Variants in TXLNG observed in about 807,000 individuals in gnomAD.
TXLNG encodes taxilin gamma.
In TXLNG, 5 loss-of-function variants were observed where a neutral mutation model predicts 38.8. The observed-to-expected ratio is 0.13, with a 90% CI of 0.07 to 0.27. The LOEUF is 0.27. Ranked by LOEUF, TXLNG falls within the 10% of genes least tolerant of loss-of-function variation. TXLNG has a pLI of 1.00. For synonymous variants in TXLNG, 182 were observed against 158.2 expected, an observed-to-expected ratio of 1.15 and a Z score of -1.13; for missense variants, 393 against 398.2, an observed-to-expected ratio of 0.99 and a Z score of 0.11.
chrX:16,821,680 A>G (rs977703282), intron 3 of TXLNG, among the ~76,000 whole-genome samples: 1 of 112,216 alleles, frequency 8.9e-6, no homozygotes, highest in African/African-American at 3.2e-5. Context: ...TTTTAAATCA[A>G]TGATCAGCTC....
intron 1 of TXLNG, among the ~76,000 whole-genome samples, chrX:16,799,725 C>T (rs769298077): frequency 3.6e-5 from 4 of 110,371 alleles, no homozygotes; most frequent in Non-Finnish European, 7.6e-5. Context: ...GAACCGAGAT[C>T]GCGCCACTGA....
intron 1 of TXLNG, 31 bp downstream of exon 1, chrX:16,786,620 G>T (rs1423565754): frequency 1.0e-6 from 1 of 980,645 alleles, no homozygotes; most frequent in African/African-American, 2.1e-5. Context: ...CGTTGTTGTC[G>T]GGCCCGGGGG....
intron 3 of TXLNG, among the ~76,000 whole-genome samples, chrX:16,826,304 A>G (rs1463915557): frequency 2.7e-5 from 3 of 112,135 alleles, no homozygotes; most frequent in Non-Finnish European, 5.6e-5. Context: ...AATTTCAGTA[A>G]AGGTGTTTTT....
chrX:16,795,435 T>C lies in TXLNG; in HGVS notation c.102+8846T>C, dbSNP rs148914015. On this transcript the variant is annotated intron_variant, in intron 1 of 9. Transcript: ENST00000380122. ...AGTAAATGTACAATATTAGCACTTA[T>C]ACTGCTAGGTTATGAGACTAAAGAA... is the stretch of plus-strand genomic sequence containing the variant. Among the ~76,000 whole-genome samples, 566 of 112,715 alleles carry C rather than the reference T, an allele frequency of 5.0e-3. 4 individuals carry two copies. The highest frequency in any genetic ancestry group is 0.018 in the African/African-American group (547 of 31,118).
At chrX:16,832,468 G>A (rs1310268849) in intron 5 of TXLNG, among the ~76,000 whole-genome samples, 155 bp from the exon 6 acceptor site, 1 of 112,065 alleles carries the variant, frequency 8.9e-6, no homozygotes, top group Non-Finnish European at 1.9e-5. Context: ...TCTCTCAGCG[G>A]AGTATACAGG....
At chrX:16,822,445 C>T (rs928935553) in intron 3 of TXLNG, among the ~76,000 whole-genome samples, 21 of 111,657 alleles carry the variant, frequency 1.9e-4, no homozygotes, top group African/African-American at 6.5e-4. Context: ...CTATTTGTAG[C>T]AACAGGACGC....
At chrX:16,794,178 T>G (rs1166017275) in intron 1 of TXLNG, among the ~76,000 whole-genome samples, 1 of 111,942 alleles carries the variant, frequency 8.9e-6, no homozygotes, top group Non-Finnish European at 1.9e-5. Flanking sequence ...CCATTGTCCA[T>G]ATTTCGTATC....
At chrX:16,840,326 CCTCT>C (rs1219614509) in intron 9 of TXLNG, 3 of 389,605 alleles carry the variant, frequency 7.7e-6, no homozygotes, top group Non-Finnish European at 9.8e-6. Flanking sequence ...AGATAATCCG[CCTCT>C]CTAACAAGCA....
At position 16,841,777 on chromosome X, in the gene TXLNG, G is replaced by A. The variant is rs775119633; in HGVS notation, c.*11G>A. 1 of 1,196,518 alleles carries A rather than the reference G, an allele frequency of 8.4e-7. No individual in the cohort carries two copies. Among genetic ancestry groups the A allele is most frequent in the South Asian group, 1.8e-5 (1 of 54,883 alleles). ...GAGTCGGTTGACTAAGATGAGGTGT[G>A]ATCACTGTATTGAGAGATATATTTT... On this transcript the variant is annotated 3_prime_UTR_variant, in exon 10 of 10. Transcript: ENST00000380122.
chrX:16,818,987 C>A (rs899191287), intron 2 of TXLNG, 110 bp downstream of exon 2: 2 of 820,212 alleles, frequency 2.4e-6, no homozygotes, highest in East Asian at 6.9e-5. Context: ...TTAGCCAACA[C>A]CCCTAGTGTC....
rs1385769777 is a variant in TXLNG at position 16,843,342 on chromosome X, T to C, written c.*1576T>C. ...TAGATAGATAGGAAACCGCCTGGAGTGGAGGAGGGTTGTATCTAAGCCTCC... is the reference window on the plus strand; with the variant it reads ...TAGATAGATAGGAAACCGCCTGGAGCGGAGGAGGGTTGTATCTAAGCCTCC... On this transcript the variant is annotated 3_prime_UTR_variant, in exon 10 of 10. Coordinates refer to ENST00000380122, the MANE Select transcript of TXLNG (RefSeq NM_018360.3). 1 of 111,258 alleles carries C rather than the reference T, an allele frequency of 9.0e-6. No individual in the cohort carries two copies. Among genetic ancestry groups the C allele is most frequent in the Non-Finnish European group, 1.9e-5 (1 of 53,007 alleles). The allele number at this position is 111,258 out of a possible 1,213,427, so 9.2% of individuals were successfully genotyped here.
rs771718825 is a variant in TXLNG at position 16,841,726 on chromosome X, C to T, written c.1547C>T (p.Pro516Leu). The change falls in exon 10 of 10, where the codon CCG (proline) becomes CTG (leucine). Residue 516 changes from proline (P) to leucine (L), a missense_variant. Transcript: ENST00000380122. ...CAGAGAAGCGCTGTGCAAAAGCCCC[C>T]GTCCACAGGCTCTGCTCCGGCCATC... ...KSQRSAVQKP[P>L]STGSAPAIES... is the part of the protein sequence containing the mutation. 11 of 1,209,915 alleles carry T rather than the reference C, an allele frequency of 9.1e-6. No homozygotes were observed. The highest frequency in any genetic ancestry group is 5.3e-5 in the South Asian group (3 of 56,780).
chrX:16,826,573 C>G (rs1929173738), intron 3 of TXLNG, among the ~76,000 whole-genome samples: 1 of 111,480 alleles, frequency 9.0e-6, no homozygotes, highest in African/African-American at 3.3e-5. Flanking sequence ...ATTCTGATGA[C>G]TGTTTCAGTA....
chrX:16,795,440 C>T (rs1172895842), intron 1 of TXLNG, among the ~76,000 whole-genome samples: 1 of 112,377 alleles, frequency 8.9e-6, no homozygotes, highest in African/African-American at 3.2e-5. Context: ...ACTTATACTG[C>T]TAGGTTATGA....
At chrX:16,797,121 T>C (rs918610792) in intron 1 of TXLNG, among the ~76,000 whole-genome samples, 3 of 109,976 alleles carry the variant, frequency 2.7e-5, no homozygotes, top group Non-Finnish European at 3.8e-5. Flanking sequence ...GTATCTCTAC[T>C]AAAAATACAA....
chrX:16,819,821 TA>T (rs993110390), intron 2 of TXLNG, among the ~76,000 whole-genome samples: 1 of 111,832 alleles, frequency 8.9e-6, no homozygotes, highest in Non-Finnish European at 1.9e-5. Flanking sequence ...GAGGAAGCTT[TA>T]AAAAAAATTC....
chrX:16,821,065 G>A (rs1243894887), intron 3 of TXLNG, among the ~76,000 whole-genome samples: 3 of 108,257 alleles, frequency 2.8e-5, no homozygotes, highest in Non-Finnish European at 3.8e-5. Flanking sequence ...CACCGCGCCC[G>A]TCCATTCTCA....
At chrX:16,818,510 T>C in intron 1 of TXLNG, 64 bp from the exon 2 acceptor site, 1 of 1,124,225 alleles carries the variant, frequency 8.9e-7, no homozygotes, top group Non-Finnish European at 1.2e-6. Flanking sequence ...CCATTGCTTG[T>C]AAACATTGAT....
At chrX:16,830,696 TA>T (rs1374535946) in intron 5 of TXLNG, among the ~76,000 whole-genome samples, 1 of 107,305 alleles carries the variant, frequency 9.3e-6, no homozygotes, top group African/African-American at 3.4e-5. Context: ...CAAAAACTGC[TA>T]TTTTTTTTTT....
Sources: allele counts gnomAD v4.1 joint callset (sites outside exome capture counted in the v4.1 genomes callset), GRCh38; gene constraint gnomAD v4.1.1; transcripts MANE v1.5; gene names NCBI Gene and HGNC (gene_info 2026-07-23, HGNC 2026-07-21).